MSRA: variants seen among roughly 807,000 people sequenced by gnomAD.
The protein encoded by MSRA is methionine sulfoxide reductase A.
A neutral mutation model predicts 31.3 loss-of-function variants in MSRA; 54 were observed. The observed-to-expected ratio is 1.73, with a 90% CI of 1.39 to 2.17. MSRA has a LOEUF of 2.17. Ranked by LOEUF, MSRA falls within the 30% of genes most tolerant of loss-of-function variation. The probability of loss-of-function intolerance (pLI) is 0.00; values close to 1 mark genes in which losing one functional copy is unlikely to be tolerated. For synonymous variants in MSRA, 169 were observed against 116.5 expected (o/e 1.45, Z -2.90); for missense variants, 507 against 300.9 (o/e 1.69, Z -5.07).
At chr8:10,174,188 G>A (rs1414207263) in intron 1 of MSRA, among the ~76,000 whole-genome samples, 2 of 152,172 alleles carry the variant, frequency 1.3e-5, no homozygotes, top group Non-Finnish European at 2.9e-5. Flanking sequence ...TTGAGTATTT[G>A]TTCCTGGATA....
chr8:10,157,510 G>C (rs1287631652), intron 1 of MSRA, among the ~76,000 whole-genome samples: 1 of 152,106 alleles, frequency 6.6e-6, no homozygotes, highest in Admixed American at 6.6e-5. Flanking sequence ...GCATGAGGAG[G>C]GCTTGGGATA....
rs777197276 is a variant in MSRA, at chr8:10,352,799, G to A, written c.543+32810G>A. Among the ~76,000 whole-genome samples the A allele has an allele frequency of 5.7e-4, 87 of 152,250 alleles. 2 individuals are homozygous for A. Among genetic ancestry groups the A allele is most frequent in the Admixed American group, 8.5e-4 (13 of 15,290 alleles). Reference sequence around the variant, plus strand: ...TGCATCAAACTCCAGGGATCAGAACGCGTGCCAGAGCCAGTGTTTTGGAGA... The same window carrying A: ...TGCATCAAACTCCAGGGATCAGAACACGTGCCAGAGCCAGTGTTTTGGAGA... On this transcript the variant is annotated intron_variant, in intron 5 of 5. Coordinates refer to ENST00000317173, the MANE Select transcript of MSRA (RefSeq NM_012331.5).
chr8:10,087,750 T>A (rs2128925811), intron 1 of MSRA, among the ~76,000 whole-genome samples: 1 of 152,350 alleles, frequency 6.6e-6, no homozygotes, highest in Non-Finnish European at 1.5e-5. Context: ...CTTGTTAGGT[T>A]ATTTCATTAG....
intron 1 of MSRA, among the ~76,000 whole-genome samples, chr8:10,071,961 C>A (rs757482142): frequency 2.0e-5 from 3 of 152,114 alleles, no homozygotes; most frequent in Non-Finnish European, 4.4e-5. Context: ...CGTATGGGTC[C>A]CCTGTGTCCA....
chr8:10,153,909 A>T (rs1264582463), intron 1 of MSRA, among the ~76,000 whole-genome samples: 1 of 152,242 alleles, frequency 6.6e-6, no homozygotes, highest in Non-Finnish European at 1.5e-5. Context: ...AATAAAAATT[A>T]TCCAAATGTT....
At chr8:10,132,673 A>G (rs1418383741) in intron 1 of MSRA, among the ~76,000 whole-genome samples, 1 of 152,250 alleles carries the variant, frequency 6.6e-6, no homozygotes, top group African/African-American at 2.4e-5. Context: ...TCCACCTGGT[A>G]TATTTAAAAG....
chr8:10,306,951 C>T (rs1016853255), intron 4 of MSRA, among the ~76,000 whole-genome samples: 1 of 152,156 alleles, frequency 6.6e-6, no homozygotes, highest in Non-Finnish European at 1.5e-5. Context: ...TTTCATAATC[C>T]TAATTGCATT....
intron 1 of MSRA, among the ~76,000 whole-genome samples, chr8:10,106,275 C>G (rs376441274): frequency 6.6e-6 from 1 of 152,186 alleles, no homozygotes; most frequent in African/African-American, 2.4e-5. Flanking sequence ...TTATTGTACT[C>G]GTTTGCCATT....
At chr8:10,425,743 C>T (rs1172833173) in intron 5 of MSRA, among the ~76,000 whole-genome samples, 2 of 152,240 alleles carry the variant, frequency 1.3e-5, no homozygotes, top group Non-Finnish European at 2.9e-5. Flanking sequence ...AGGACGATCA[C>T]ACCTGTGGGC....
At chr8:10,105,796 C>G (rs1799840673) in intron 1 of MSRA, among the ~76,000 whole-genome samples, 2 of 152,144 alleles carry the variant, frequency 1.3e-5, no homozygotes, top group African/African-American at 2.4e-5. Context: ...GTTGTGCAAT[C>G]AAGTAGCACT....
chr8:10,082,842 C>T (rs899325142), intron 1 of MSRA, among the ~76,000 whole-genome samples: 1 of 152,194 alleles, frequency 6.6e-6, no homozygotes, highest in African/African-American at 2.4e-5. Flanking sequence ...CCCTGGAGCA[C>T]CCACCAAAGT....
chr8:10,150,620 C>G (rs972491437), intron 1 of MSRA, among the ~76,000 whole-genome samples: 1 of 152,180 alleles, frequency 6.6e-6, no homozygotes, highest in Non-Finnish European at 1.5e-5. Context: ...AGCAGCCTCA[C>G]ATAGCAATTA....
chr8:10,358,971 A>T (rs1392822373), intron 5 of MSRA, among the ~76,000 whole-genome samples: 1 of 152,142 alleles, frequency 6.6e-6, no homozygotes, highest in Non-Finnish European at 1.5e-5. Context: ...AATATAACTG[A>T]CGCCTGATGA....
At chr8:10,392,329 G>T (rs1806797267) in intron 5 of MSRA, among the ~76,000 whole-genome samples, 1 of 152,178 alleles carries the variant, frequency 6.6e-6, no homozygotes, top group Non-Finnish European at 1.5e-5. Context: ...GATCGTGATG[G>T]CTAGAAGGAG....
At chr8:10,422,940 C>A (rs966253075) in intron 5 of MSRA, among the ~76,000 whole-genome samples, 1 of 152,248 alleles carries the variant, frequency 6.6e-6, no homozygotes, top group Non-Finnish European at 1.5e-5. Flanking sequence ...AGGATGAGCA[C>A]AGTCCCCTGA....
intron 1 of MSRA, among the ~76,000 whole-genome samples, chr8:10,176,074 C>A (rs2129048219): frequency 6.6e-6 from 1 of 152,316 alleles, no homozygotes; most frequent in South Asian, 2.1e-4. Context: ...GCTGATAGCC[C>A]AGATGAGAAT....
intron 1 of MSRA, among the ~76,000 whole-genome samples, chr8:10,203,545 A>C (rs1808682176): frequency 1.3e-5 from 2 of 152,210 alleles, no homozygotes; most frequent in Admixed American, 6.5e-5. Context: ...GTAGCACAAC[A>C]CATTATTCAT....
At chr8:10,423,433 GGAGA>G (rs1585749093) in intron 5 of MSRA, among the ~76,000 whole-genome samples, 2 of 152,130 alleles carry the variant, frequency 1.3e-5, no homozygotes, top group East Asian at 3.9e-4. Flanking sequence ...AGGGGGCTCA[GGAGA>G]CTGGCATGCA....
intron 5 of MSRA, among the ~76,000 whole-genome samples, chr8:10,404,223 CT>C (rs1807650268): frequency 6.6e-6 from 1 of 152,146 alleles, no homozygotes; most frequent in Non-Finnish European, 1.5e-5. Flanking sequence ...GGTGCTGCTC[CT>C]CCTCCACAAA....
Sources: gnomAD v4.1 joint callset for allele counts (sites outside exome capture counted in the v4.1 genomes callset) on GRCh38, gnomAD v4.1.1 for gene constraint, MANE v1.5 for transcripts, NCBI Gene and HGNC (gene_info 2026-07-23, HGNC 2026-07-21) for gene names.